Variants in CACNG5 observed in about 807,000 individuals in gnomAD.
CACNG5 encodes calcium voltage-gated channel auxiliary subunit gamma 5, also known as voltage-dependent calcium channel gamma-5 subunit.
A neutral mutation model predicts 24.8 loss-of-function variants in CACNG5; 18 were observed. The ratio of observed to expected loss-of-function variants is 0.73; its 90% CI spans 0.50 to 1.08. The LOEUF (loss-of-function observed/expected upper bound fraction) is 1.08. CACNG5 is among the 50% of genes least tolerant of loss of function. The pLI, the probability that CACNG5 is intolerant of heterozygous loss-of-function variation, is 0.00. For missense variants in CACNG5, 349 were observed against 367.9 expected, an observed-to-expected ratio of 0.95 and a Z score of 0.42; for synonymous variants, 157 against 149.1, an observed-to-expected ratio of 1.05 and a Z score of -0.39.
rs1435614285 is a variant in CACNG5, at chr17:66,891,199, A to C, written c.*5959A>C. Among the ~76,000 whole-genome samples, 1 of 152,212 alleles carries C rather than the reference A, an allele frequency of 6.6e-6. No individual in the cohort carries two copies. The highest frequency in any genetic ancestry group is 1.9e-4 in the East Asian group (1 of 5,196). On this transcript the variant is annotated 3_prime_UTR_variant, in exon 6 of 6. Coordinates refer to ENST00000533854, the MANE Select transcript of CACNG5 (RefSeq NM_145811.3). ...CCCAGAAGCAACCCCAGCAGACTTC[A>C]TGTCATGTCTCATTGGCCAAAACCA...
intron 1 of CACNG5, among the ~76,000 whole-genome samples, chr17:66,851,008 T>C (rs981283553): frequency 1.1e-4 from 16 of 152,056 alleles, no homozygotes; most frequent in African/African-American, 3.1e-4. Flanking sequence ...ACCCATGGAC[T>C]GTAAAACGTG....
intron 2 of CACNG5, among the ~76,000 whole-genome samples, chr17:66,878,324 G>A (rs1977112487): frequency 6.6e-6 from 1 of 152,242 alleles, no homozygotes; most frequent in Admixed American, 6.5e-5. Flanking sequence ...TGTAACTTAT[G>A]TGTGCACTGG....
At chr17:66,843,246 G>C (rs1329458026) in intron 1 of CACNG5, among the ~76,000 whole-genome samples, 1 of 152,128 alleles carries the variant, frequency 6.6e-6, no homozygotes, top group Non-Finnish European at 1.5e-5. Context: ...GATGCTAATG[G>C]GGGCAAGCTT....
chr17:66,841,207 A>T (rs902775707), intron 1 of CACNG5, among the ~76,000 whole-genome samples: 1 of 152,196 alleles, frequency 6.6e-6, no homozygotes, highest in Non-Finnish European at 1.5e-5. Context: ...AAATTGGAGC[A>T]TGGAGGGGGC....
Position 66,889,161 on chromosome 17 carries a change from A to G in CACNG5, c.*3921A>G, listed in dbSNP as rs1977306179. 6.6e-6 allele frequency among the ~76,000 whole-genome samples: 1 copy of G among 152,172 alleles called. No individual in the cohort carries two copies. The highest frequency in any genetic ancestry group is 1.5e-5 in the Non-Finnish European group (1 of 68,040). On this transcript the variant is annotated 3_prime_UTR_variant, in exon 6 of 6. Coordinates refer to ENST00000533854, the MANE Select transcript of CACNG5 (RefSeq NM_145811.3). ...TTTTTAGTAGAGATGGGGTTTCCCCATGTTGGCCACGTTGGTCTTGAACTC... is the reference window on the plus strand; with the variant it reads ...TTTTTAGTAGAGATGGGGTTTCCCCGTGTTGGCCACGTTGGTCTTGAACTC...
At chr17:66,860,207 T>TGGGTTCAAA (rs2143071115) in intron 1 of CACNG5, among the ~76,000 whole-genome samples, 1 of 152,288 alleles carries the variant, frequency 6.6e-6, no homozygotes, top group Admixed American at 6.5e-5. Flanking sequence ...GCTAGATTGC[T>TGGGTTCAAA]GGGTTCAAAT....
intron 1 of CACNG5, among the ~76,000 whole-genome samples, chr17:66,859,558 G>A (rs562668341): frequency 2.0e-5 from 3 of 152,204 alleles, no homozygotes; most frequent in Admixed American, 6.5e-5. Context: ...GGGCAGCACC[G>A]TGTTTCTCTT....
intron 1 of CACNG5, among the ~76,000 whole-genome samples, chr17:66,872,362 G>A (rs1023971047): frequency 1.3e-5 from 2 of 152,182 alleles, no homozygotes; most frequent in African/African-American, 4.8e-5. Context: ...AAAAGCAGAA[G>A]CTCGAACAAG....
rs1977381698 is a variant in CACNG5, at chr17:66,894,142, C to T, written c.*8902C>T. The stretch of plus-strand genomic sequence containing the variant: ...GCCAAGGACTCTGCTCACTGCTGCT[C>T]TAGGAACCCATCAATTGCACCTCCT... On this transcript the variant is annotated 3_prime_UTR_variant, in exon 6 of 6. Coordinates refer to ENST00000533854, the MANE Select transcript of CACNG5 (RefSeq NM_145811.3). Among the ~76,000 whole-genome samples, 1 of 152,194 alleles carries T rather than the reference C, an allele frequency of 6.6e-6. No individual in the cohort carries two copies. Among genetic ancestry groups the T allele is most frequent in the Admixed American group, 6.5e-5 (1 of 15,280 alleles).
At position 66,877,251 on chromosome 17, in the gene CACNG5, C is replaced by T; in HGVS notation, c.-82C>T. On this transcript the variant is annotated 5_prime_UTR_variant, in exon 2 of 6. Transcript: ENST00000533854. Reference sequence around the variant, plus strand: ...TCAGAGCCGTGGGTACTGCCACCTGCTCACCCACTCTCCCTAGCCCCAGAG... The same window carrying T: ...TCAGAGCCGTGGGTACTGCCACCTGTTCACCCACTCTCCCTAGCCCCAGAG... The T allele has an allele frequency of 1.6e-6, 2 of 1,213,688 alleles. No individual in the cohort carries two copies. The highest frequency in any genetic ancestry group is 2.4e-5 in the East Asian group (1 of 42,306). 75.2% of individuals were successfully genotyped at this position (1,213,688 alleles called of 1,614,324 possible).
intron 1 of CACNG5, among the ~76,000 whole-genome samples, chr17:66,842,574 G>A (rs1976583664): frequency 6.6e-6 from 1 of 152,140 alleles, no homozygotes; most frequent in Non-Finnish European, 1.5e-5. Flanking sequence ...GTGTGTCCTG[G>A]AACTCAAGGA....
Position 66,889,037 on chromosome 17 carries a change from T to C in CACNG5, c.*3797T>C, listed in dbSNP as rs746154167. 2.0e-4 allele frequency among the ~76,000 whole-genome samples: 30 copies of C among 151,670 alleles called. No homozygotes were observed. Among genetic ancestry groups the C allele is most frequent in the Non-Finnish European group, 4.0e-4 (27 of 67,830 alleles). On this transcript the variant is annotated 3_prime_UTR_variant, in exon 6 of 6. Transcript: ENST00000533854. ...GTGCAGTGGTGTGATCTCGGCTCAC[T>C]GCAACCTCTGCTTCCTGGGCTCAAG... is the stretch of plus-strand genomic sequence containing the variant.
chr17:66,873,798 A>T (rs1977041756), intron 1 of CACNG5, among the ~76,000 whole-genome samples: 1 of 152,108 alleles, frequency 6.6e-6, no homozygotes, highest in Non-Finnish European at 1.5e-5. Flanking sequence ...TTCACAGAAC[A>T]TGATGTCTTT....
chr17:66,860,364 C>T (rs977898191), intron 1 of CACNG5, among the ~76,000 whole-genome samples: 1 of 152,046 alleles, frequency 6.6e-6, no homozygotes, highest in Non-Finnish European at 1.5e-5. Context: ...TGTCAAAAGA[C>T]AAAGATAAAA....
intron 1 of CACNG5, among the ~76,000 whole-genome samples, chr17:66,856,360 A>C (rs562769146): frequency 1.1e-3 from 168 of 152,300 alleles, no homozygotes; most frequent in African/African-American, 3.7e-3. Flanking sequence ...CTGTAGATTC[A>C]CATGCAGTTG....
intron 2 of CACNG5, 117 bp downstream of exon 2, chr17:66,877,645 A>G (rs992731032): frequency 1.2e-6 from 1 of 813,764 alleles, no homozygotes; most frequent in East Asian, 2.7e-5. Context: ...ACCACGGATG[A>G]TCCCTATATA....
intron 1 of CACNG5, among the ~76,000 whole-genome samples, chr17:66,852,901 T>C (rs1976724316): frequency 6.7e-6 from 1 of 149,222 alleles, no homozygotes; most frequent in South Asian, 2.2e-4. Context: ...CTTTCTCTCT[T>C]CTCTCTCTTC....
chr17:66,892,163 C>G lies in CACNG5; in HGVS notation c.*6923C>G, dbSNP rs1418078144. 6.6e-6 allele frequency among the ~76,000 whole-genome samples: 1 copy of G among 152,190 alleles called. No individual in the cohort carries two copies. Among genetic ancestry groups the G allele is most frequent in the East Asian group, 1.9e-4 (1 of 5,202 alleles). On this transcript the variant is annotated 3_prime_UTR_variant, in exon 6 of 6. Coordinates refer to ENST00000533854, the MANE Select transcript of CACNG5 (RefSeq NM_145811.3). ...GGTGGACTCCTGAGGAGGTGGAAGC[C>G]CCAGGGACCTCCCCCCACTCCTCGC...
chr17:66,875,029 C>T (rs1977056407), intron 1 of CACNG5, among the ~76,000 whole-genome samples: 1 of 152,218 alleles, frequency 6.6e-6, no homozygotes, highest in Non-Finnish European at 1.5e-5. Context: ...CCCTGGACCT[C>T]TGCTAGGAGT....
Sources: allele counts gnomAD v4.1 joint callset (sites outside exome capture counted in the v4.1 genomes callset), GRCh38; gene constraint gnomAD v4.1.1; transcripts MANE v1.5; gene names NCBI Gene and HGNC (gene_info 2026-07-23, HGNC 2026-07-21).